Variants in RTL4 observed in about 807,000 individuals in gnomAD.
The protein encoded by RTL4 is retrotransposon Gag-like protein 4.
Under a neutral mutation model 5.3 loss-of-function variants are expected in RTL4, and 4 were observed. The ratio of observed to expected loss-of-function variants is 0.75; its 90% confidence interval spans 0.37 to 1.72. The LOEUF (loss-of-function observed/expected upper bound fraction) is 1.72. RTL4 is among the 40% of genes most tolerant of loss of function. RTL4 has a pLI of 0.04. For missense variants in RTL4, 260 were observed against 227.1 expected (o/e 1.14, Z -0.93); for synonymous variants, 98 against 87.3 (o/e 1.12, Z -0.68).
At chrX:112,412,893 G>A in the RTL4 span, among the ~76,000 whole-genome samples, 2 of 110,394 alleles carry the variant, frequency 1.8e-5, no homozygotes, top group African/African-American at 3.3e-5. Context: ...CACAGTAAAG[G>A]AAACAATCAA....
the RTL4 span, among the ~76,000 whole-genome samples, chrX:112,311,391 G>A: frequency 5.4e-5 from 6 of 110,839 alleles, no homozygotes; most frequent in East Asian, 2.8e-4. Flanking sequence ...GCCCTCAGAC[G>A]GGTTCTAGAG....
At chrX:112,146,411 AT>A in the RTL4 span, among the ~76,000 whole-genome samples, 1 of 111,729 alleles carries the variant, frequency 9.0e-6, no homozygotes, top group East Asian at 2.8e-4. Context: ...CATAGTAAAG[AT>A]GCTGAGTTGG....
the RTL4 span, among the ~76,000 whole-genome samples, chrX:112,213,789 C>T: frequency 9.1e-6 from 1 of 110,345 alleles, no homozygotes; most frequent in African/African-American, 3.3e-5. Flanking sequence ...AAACAACTCC[C>T]CATGACTTTC....
chrX:112,412,936 AAATACATGTAAAC>A, the RTL4 span, among the ~76,000 whole-genome samples: 2 of 110,303 alleles, frequency 1.8e-5, no homozygotes, highest in South Asian at 3.9e-4. Context: ...TAATAGGAGA[AAATACATGTAAAC>A]TATCCATCTG....
chrX:112,171,605 C>T, the RTL4 span, among the ~76,000 whole-genome samples: 1 of 111,491 alleles, frequency 9.0e-6, no homozygotes, highest in Non-Finnish European at 1.9e-5. Flanking sequence ...GGTGATATCC[C>T]CCTTATCATT....
the RTL4 span, among the ~76,000 whole-genome samples, chrX:112,337,034 C>A: frequency 1.8e-5 from 2 of 111,751 alleles, no homozygotes; most frequent in Non-Finnish European, 3.8e-5. Context: ...AAAAATTCCT[C>A]ACTCACAGCC....
the RTL4 span, among the ~76,000 whole-genome samples, chrX:112,361,113 G>A: frequency 1.3e-4 from 14 of 110,960 alleles, no homozygotes; most frequent in African/African-American, 3.9e-4. Context: ...ACAACCTTAC[G>A]CAAAAACTAA....
chrX:112,331,949 A>G, the RTL4 span, among the ~76,000 whole-genome samples: 1 of 97,906 alleles, frequency 1.0e-5, no homozygotes, highest in Non-Finnish European at 2.0e-5. Context: ...ATAGGTGGGA[A>G]TTGAACAATG....
At chrX:112,093,736 A>T in the RTL4 span, among the ~76,000 whole-genome samples, 1 of 112,375 alleles carries the variant, frequency 8.9e-6, no homozygotes, top group South Asian at 3.6e-4. Flanking sequence ...CTTTCCTACC[A>T]AAGTTATTAT....
the RTL4 span, among the ~76,000 whole-genome samples, chrX:112,415,929 G>A: frequency 9.0e-6 from 1 of 111,603 alleles, no homozygotes; most frequent in South Asian, 3.8e-4. Flanking sequence ...TGGTAACAAA[G>A]CACAACAAAC....
At chrX:112,310,607 T>A in the RTL4 span, among the ~76,000 whole-genome samples, 1 of 48,105 alleles carries the variant, frequency 2.1e-5, no homozygotes, top group Non-Finnish European at 3.2e-5. Flanking sequence ...TATATATATT[T>A]ATATATATTT....
the RTL4 span, among the ~76,000 whole-genome samples, chrX:112,172,193 C>T: frequency 5.2e-3 from 582 of 110,875 alleles, 3 homozygotes; most frequent in African/African-American, 0.018. Context: ...GGTGTAGCAG[C>T]GGGCACCTGT....
chrX:112,326,743 CTTAAATG>C, the RTL4 span, among the ~76,000 whole-genome samples: 4 of 111,993 alleles, frequency 3.6e-5, no homozygotes, highest in East Asian at 1.1e-3. Flanking sequence ...CCTCTGCAGA[CTTAAATG>C]TCCCTGTCTG....
chrX:112,389,317 T>A, the RTL4 span, among the ~76,000 whole-genome samples: 1 of 95,457 alleles, frequency 1.0e-5, no homozygotes, highest in Non-Finnish European at 2.0e-5. Context: ...GTTCTAGCTA[T>A]CATGTTAATT....
chrX:112,145,698 G>A, the RTL4 span, among the ~76,000 whole-genome samples: 3 of 111,664 alleles, frequency 2.7e-5, no homozygotes, highest in African/African-American at 9.8e-5. Flanking sequence ...ATGACGAAAA[G>A]AAGTGGGGCA....
chrX:112,175,681 G>C, the RTL4 span, among the ~76,000 whole-genome samples: 4 of 111,228 alleles, frequency 3.6e-5, no homozygotes, highest in Non-Finnish European at 7.5e-5. Context: ...ATTCAACAAC[G>C]CTTCATGCTA....
the RTL4 span, among the ~76,000 whole-genome samples, chrX:112,176,843 C>T: frequency 9.0e-6 from 1 of 110,827 alleles, no homozygotes; most frequent in Non-Finnish European, 1.9e-5. Context: ...CTTCCCTTTT[C>T]AGCCTCTAGT....
chrX:112,166,672 G>A, the RTL4 span, among the ~76,000 whole-genome samples: 1 of 111,829 alleles, frequency 8.9e-6, no homozygotes, highest in East Asian at 2.8e-4. Flanking sequence ...GAGGCGAAGT[G>A]TAGTATTTAT....
chrX:112,339,370 G>A, the RTL4 span, among the ~76,000 whole-genome samples: 3 of 111,964 alleles, frequency 2.7e-5, no homozygotes, highest in East Asian at 8.5e-4. Flanking sequence ...CAGGTGAACT[G>A]GGACAGATGA....
Sources: gnomAD v4.1 joint callset for allele counts (sites outside exome capture counted in the v4.1 genomes callset) on GRCh38, gnomAD v4.1.1 for gene constraint, MANE v1.5 for transcripts, NCBI Gene and HGNC (gene_info 2026-07-23, HGNC 2026-07-21) for gene names.